GPC5: variants seen among roughly 807,000 people sequenced by gnomAD.
GPC5 encodes the protein glypican-5.
Under a neutral mutation model 53.9 loss-of-function variants are expected in GPC5, and 47 were observed. The ratio of observed to expected loss-of-function variants is 0.87; its 90% CI spans 0.69 to 1.11. GPC5 has a LOEUF of 1.11. Among genes scored for constraint, GPC5 ranks in the 50% most tolerant of loss-of-function variants. GPC5 has a pLI of 0.00. For missense variants in GPC5, 748 were observed against 713.1 expected (o/e 1.05, Z -0.56); for synonymous variants, 286 against 263.3 (o/e 1.09, Z -0.84).
intron 7 of GPC5, among the ~76,000 whole-genome samples, chr13:92,383,282 A>G (rs1414721954): frequency 1.3e-5 from 2 of 152,190 alleles, no homozygotes; most frequent in Admixed American, 1.3e-4. Flanking sequence ...CTAAATGTTA[A>G]TATTCAAGCA....
At chr13:92,468,092 C>T (rs1878769758) in intron 7 of GPC5, among the ~76,000 whole-genome samples, 1 of 151,960 alleles carries the variant, frequency 6.6e-6, no homozygotes, top group African/African-American at 2.4e-5. Flanking sequence ...TTTGAGCTAA[C>T]ATTGACAGTA....
intron 6 of GPC5, among the ~76,000 whole-genome samples, chr13:91,988,721 C>G (rs1321156003): frequency 6.6e-6 from 1 of 152,136 alleles, no homozygotes; most frequent in Admixed American, 6.6e-5. Flanking sequence ...GACCCATAAA[C>G]AGTAATTCAT....
intron 2 of GPC5, among the ~76,000 whole-genome samples, chr13:91,587,048 G>T (rs2032623849): frequency 6.6e-6 from 1 of 152,062 alleles, no homozygotes; most frequent in Admixed American, 6.6e-5. Context: ...TGTTTCAATA[G>T]TATTTGTACT....
chr13:91,657,956 T>C (rs2034888630), intron 2 of GPC5, among the ~76,000 whole-genome samples: 1 of 152,244 alleles, frequency 6.6e-6, no homozygotes, highest in African/African-American at 2.4e-5. Flanking sequence ...ATGCCTACTT[T>C]GGATATTTTC....
chr13:91,840,616 A>G (rs2038774908), intron 5 of GPC5, among the ~76,000 whole-genome samples: 2 of 151,958 alleles, frequency 1.3e-5, no homozygotes, highest in African/African-American at 2.4e-5. Flanking sequence ...AGTTAATCAC[A>G]TTTGACCATG....
At position 91,693,619 on chromosome 13, in the gene GPC5, T is replaced by C. The variant is rs754429283; in HGVS notation, c.758T>C (p.Leu253Pro). The C allele has an allele frequency of 6.2e-7, 1 of 1,614,150 alleles. No homozygotes were observed. The highest frequency in any genetic ancestry group is 1.3e-5 in the African/African-American group (1 of 75,048). Residue 253 changes from leucine (L) to proline (P), a missense_variant, in exon 3 of 8, where the codon CTG becomes CCG. Physicochemically the swap from Leu to Pro is moderately conservative, Grantham distance 98 (BLOSUM62 -3). Transcript: ENST00000377067. ...TCCAAAGAGTGCAGCAGAGCCCTCC[T>C]GAAGATGCAATACTGCCCGCACTGC... ...HFSKECSRALLKMQYCPHCQG... is the reference protein window; with the variant it reads ...HFSKECSRALPKMQYCPHCQG...
intron 2 of GPC5, among the ~76,000 whole-genome samples, chr13:91,514,318 C>T (rs1163124671): frequency 5.9e-5 from 9 of 152,146 alleles, no homozygotes; most frequent in African/African-American, 2.2e-4. Flanking sequence ...TTTGATGTCA[C>T]TAATTTTATT....
intron 7 of GPC5, among the ~76,000 whole-genome samples, chr13:92,507,604 T>C (rs986754363): frequency 6.6e-6 from 1 of 152,182 alleles, no homozygotes. Flanking sequence ...ACTCTACCTA[T>C]AACATCTCTG....
chr13:92,123,841 A>G (rs2041671135), intron 6 of GPC5, among the ~76,000 whole-genome samples: 1 of 152,228 alleles, frequency 6.6e-6, no homozygotes, highest in South Asian at 2.1e-4. Context: ...ATTACCAAAT[A>G]TATTCTTAAT....
intron 6 of GPC5, among the ~76,000 whole-genome samples, chr13:92,046,618 T>A (rs1246086472): frequency 6.6e-6 from 1 of 152,252 alleles, no homozygotes; most frequent in Non-Finnish European, 1.5e-5. Context: ...AACTTTTATC[T>A]TCTTACTTTG....
chr13:92,425,105 T>A (rs1025205311), intron 7 of GPC5, among the ~76,000 whole-genome samples: 1 of 152,056 alleles, frequency 6.6e-6, no homozygotes, highest in Non-Finnish European at 1.5e-5. Context: ...TTACTGACTC[T>A]GCCCTTCCCG....
intron 7 of GPC5, among the ~76,000 whole-genome samples, chr13:92,800,564 A>G (rs904532448): frequency 1.8e-4 from 27 of 151,904 alleles, no homozygotes; most frequent in Admixed American, 1.2e-3. Flanking sequence ...GGAATTACCA[A>G]CATTCCAGGA....
chr13:92,064,430 G>A (rs1450372605), intron 6 of GPC5, among the ~76,000 whole-genome samples: 1 of 152,144 alleles, frequency 6.6e-6, no homozygotes. Flanking sequence ...CTGTTACAAA[G>A]AAACTTGAAA....
At chr13:92,100,494 G>A (rs2041457601) in intron 6 of GPC5, among the ~76,000 whole-genome samples, 2 of 152,176 alleles carry the variant, frequency 1.3e-5, no homozygotes, top group African/African-American at 4.8e-5. Context: ...CTACAGGATT[G>A]ACATCTTGTT....
At chr13:92,630,211 G>A (rs1024689730) in intron 7 of GPC5, among the ~76,000 whole-genome samples, 6 of 152,110 alleles carry the variant, frequency 3.9e-5, no homozygotes, top group East Asian at 1.9e-4. Flanking sequence ...CTACGTAATC[G>A]TGAATGTATG....
intron 7 of GPC5, among the ~76,000 whole-genome samples, chr13:92,752,157 C>CGT (rs914426259): frequency 6.6e-6 from 1 of 151,880 alleles, no homozygotes; most frequent in South Asian, 2.1e-4. Flanking sequence ...GGAGTGTGTC[C>CGT]GTGTGTGTGT....
chr13:92,323,513 T>C (rs1385710950), intron 7 of GPC5, among the ~76,000 whole-genome samples: 2 of 151,864 alleles, frequency 1.3e-5, no homozygotes, highest in South Asian at 4.2e-4. Flanking sequence ...TAATATCTTA[T>C]GTAAATTAAT....
intron 7 of GPC5, among the ~76,000 whole-genome samples, chr13:92,207,942 G>T (rs1048598259): frequency 1.3e-5 from 2 of 152,202 alleles, no homozygotes; most frequent in African/African-American, 4.8e-5. Flanking sequence ...AGGGCTATTT[G>T]TAACAATTAA....
At chr13:92,337,480 T>C (rs183025672) in intron 7 of GPC5, among the ~76,000 whole-genome samples, 96 of 152,244 alleles carry the variant, frequency 6.3e-4, no homozygotes, top group Non-Finnish European at 1.1e-3. Flanking sequence ...AGTAGCCATA[T>C]TGAAGGAGAA....
Sources: gnomAD v4.1 joint callset for allele counts (sites outside exome capture counted in the v4.1 genomes callset) on GRCh38, gnomAD v4.1.1 for gene constraint, MANE v1.5 for transcripts, NCBI Gene and HGNC (gene_info 2026-07-23, HGNC 2026-07-21) for gene names.